The following ADAMTSL3 variants were observed in gnomAD, a reference collection of about 807,000 sequenced individuals.
ADAMTSL3 encodes ADAMTS-like protein 3.
In ADAMTSL3, 128 loss-of-function variants were observed where a neutral mutation model predicts 201.7. That is an observed-to-expected ratio of 0.63 (90% CI 0.55 to 0.73). ADAMTSL3 has a LOEUF of 0.73. ADAMTSL3 is among the 30% of genes least tolerant of loss of function. The pLI, the probability that ADAMTSL3 is intolerant of heterozygous loss-of-function variation, is 0.00. For missense variants in ADAMTSL3, 1,990 were observed against 2,119.6 expected (o/e 0.94, Z 1.20); for synonymous variants, 738 against 748.4 (o/e 0.99, Z 0.23).
At chr15:83,729,775 T>C (rs1392638205) in intron 3 of ADAMTSL3, among the ~76,000 whole-genome samples, 1 of 152,076 alleles carries the variant, frequency 6.6e-6, no homozygotes, top group South Asian at 2.1e-4. Flanking sequence ...TATACTTTGT[T>C]TGGTAAGGTC....
At chr15:83,914,403 G>A (rs2141963944) in intron 16 of ADAMTSL3, among the ~76,000 whole-genome samples, 1 of 152,288 alleles carries the variant, frequency 6.6e-6, no homozygotes, top group African/African-American at 2.4e-5. Context: ...CAGTCTCTAT[G>A]GCTTGATTGT....
At position 83,928,936 on chromosome 15, in the gene ADAMTSL3, C is replaced by T. The variant is rs756970895; in HGVS notation, c.2117+4903C>T. On this transcript the variant is annotated intron_variant, in intron 17 of 29. Coordinates refer to ENST00000286744, the MANE Select transcript of ADAMTSL3 (RefSeq NM_207517.3). ...TGAACTTGAGATTCTTGACCATTTA[C>T]TTTTCAGTACTTGATGAATTTGTCC... Among the ~76,000 whole-genome samples the T allele has an allele frequency of 7.8e-4, 119 of 152,240 alleles. 1 individual carries two copies. Among genetic ancestry groups the T allele is most frequent in the Non-Finnish European group, 1.3e-3 (87 of 68,006 alleles).
chr15:83,823,972 T>TCTTCTTCTTCTTCTCCTC (rs1567170062), intron 6 of ADAMTSL3, among the ~76,000 whole-genome samples: 1 of 71,106 alleles, frequency 1.4e-5, no homozygotes, highest in African/African-American at 4.2e-5. Flanking sequence ...TTCTTCTTCT[T>TCTTCTTCTTCTTCTCCTC]CTCCTCCTCC....
At chr15:83,805,564 A>T (rs1477789486) in intron 5 of ADAMTSL3, among the ~76,000 whole-genome samples, 1 of 151,812 alleles carries the variant, frequency 6.6e-6, no homozygotes, top group African/African-American at 2.4e-5. Flanking sequence ...CTCAAAAAAA[A>T]AAAAATAAAT....
chr15:83,656,761 C>T (rs1373951106), intron 2 of ADAMTSL3, among the ~76,000 whole-genome samples: 2 of 152,164 alleles, frequency 1.3e-5, no homozygotes, highest in Non-Finnish European at 2.9e-5. Flanking sequence ...GGCTTGGTGG[C>T]CTGTGTACCC....
intron 20 of ADAMTSL3, among the ~76,000 whole-genome samples, chr15:83,978,926 A>C (rs780563640): frequency 2.2e-4 from 33 of 152,214 alleles, no homozygotes; most frequent in Non-Finnish European, 4.1e-4. Flanking sequence ...TGCCCTGCCC[A>C]CCACCTGAGG....
intron 19 of ADAMTSL3, among the ~76,000 whole-genome samples, chr15:83,951,526 G>T (rs1374985135): frequency 6.6e-6 from 1 of 152,106 alleles, no homozygotes; most frequent in East Asian, 1.9e-4. Flanking sequence ...ATACTGGCCT[G>T]ATAGAATGAG....
intron 5 of ADAMTSL3, 106 bp from the exon 6 acceptor site, chr15:83,819,705 G>T: frequency 2.4e-6 from 2 of 824,060 alleles, no homozygotes; most frequent in South Asian, 1.6e-5. Flanking sequence ...CTCCCAGAGA[G>T]AGGCAAGTGA....
intron 6 of ADAMTSL3, among the ~76,000 whole-genome samples, chr15:83,834,645 G>GATTT (rs2064228220): frequency 6.6e-6 from 1 of 152,144 alleles, no homozygotes; most frequent in South Asian, 2.1e-4. Flanking sequence ...CTGAAGTGAT[G>GATTT]ATTTATAGAT....
chr15:83,941,437 ATAGT>A, intron 17 of ADAMTSL3, among the ~76,000 whole-genome samples: 1 of 152,262 alleles, frequency 6.6e-6, no homozygotes, highest in African/African-American at 2.4e-5. Context: ...TAAAAATCCT[ATAGT>A]TAGATATCAT....
chr15:83,852,047 A>G (rs1400160058), intron 7 of ADAMTSL3, among the ~76,000 whole-genome samples: 2 of 152,158 alleles, frequency 1.3e-5, no homozygotes, highest in Non-Finnish European at 2.9e-5. Flanking sequence ...ATCATTAGGT[A>G]TAAACTTTTT....
intron 20 of ADAMTSL3, among the ~76,000 whole-genome samples, chr15:83,971,450 G>A (rs992833065): frequency 1.3e-5 from 2 of 151,136 alleles, no homozygotes; most frequent in Non-Finnish European, 2.9e-5. Flanking sequence ...CCAGCTACTC[G>A]AGAGGCTGAG....
At chr15:83,936,552 A>AT (rs2066464530) in intron 17 of ADAMTSL3, among the ~76,000 whole-genome samples, 1 of 151,020 alleles carries the variant, frequency 6.6e-6, no homozygotes, top group African/African-American at 2.5e-5. Flanking sequence ...TAGTTATGCT[A>AT]TAAAAACCCT....
chr15:83,750,451 A>T (rs1266723679), intron 3 of ADAMTSL3, among the ~76,000 whole-genome samples: 2 of 152,204 alleles, frequency 1.3e-5, no homozygotes, highest in Non-Finnish European at 2.9e-5. Flanking sequence ...ATCAGCAGAT[A>T]ATTTAGGGAA....
At chr15:83,681,397 G>T (rs1044227171) in intron 2 of ADAMTSL3, among the ~76,000 whole-genome samples, 1 of 152,172 alleles carries the variant, frequency 6.6e-6, no homozygotes, top group Non-Finnish European at 1.5e-5. Flanking sequence ...ACTTCAAAGG[G>T]ATGGGGTCGT....
chr15:83,944,271 T>A (rs1187444096), intron 19 of ADAMTSL3, among the ~76,000 whole-genome samples: 4 of 152,194 alleles, frequency 2.6e-5, no homozygotes, highest in Non-Finnish European at 4.4e-5. Context: ...GTCCTTATTC[T>A]TCTTCCAGCC....
At chr15:83,940,387 A>T (rs1307536621) in intron 17 of ADAMTSL3, among the ~76,000 whole-genome samples, 2 of 152,202 alleles carry the variant, frequency 1.3e-5, no homozygotes, top group Non-Finnish European at 2.9e-5. Flanking sequence ...AAAGTCCAAG[A>T]CTAAAGGGTT....
At chr15:83,904,780 T>C (rs1003975553) in intron 15 of ADAMTSL3, among the ~76,000 whole-genome samples, 1 of 152,246 alleles carries the variant, frequency 6.6e-6, no homozygotes, top group Non-Finnish European at 1.5e-5. Context: ...GCCCTCGCTG[T>C]CGTTTTTCAT....
chr15:83,795,894 A>G (rs2063418273), intron 4 of ADAMTSL3, among the ~76,000 whole-genome samples: 1 of 152,146 alleles, frequency 6.6e-6, no homozygotes, highest in Non-Finnish European at 1.5e-5. Flanking sequence ...CAAACTTGCA[A>G]TCCTAAAATA....
Sources: allele counts gnomAD v4.1 joint callset (sites outside exome capture counted in the v4.1 genomes callset), GRCh38; gene constraint gnomAD v4.1.1; transcripts MANE v1.5; gene names NCBI Gene and HGNC (gene_info 2026-07-23, HGNC 2026-07-21).